The following PUM2 variants were observed in gnomAD, a reference collection of about 807,000 sequenced individuals.
The protein encoded by PUM2 is pumilio RNA binding family member 2.
Under a neutral mutation model 124.5 loss-of-function variants are expected in PUM2, and 57 were observed. The ratio of observed to expected loss-of-function variants is 0.46; its 90% CI spans 0.37 to 0.57. The LOEUF (loss-of-function observed/expected upper bound fraction) is 0.57. PUM2 is among the 20% of genes least tolerant of loss of function. PUM2 has a pLI of 0.00. For synonymous variants in PUM2, 460 were observed against 446.1 expected, an observed-to-expected ratio of 1.03 and a Z score of -0.39; for missense variants, 1,065 against 1,290.6, an observed-to-expected ratio of 0.83 and a Z score of 2.68.
At chr2:20,294,626 G>A (rs1675071141) in intron 8 of PUM2, 108 bp from the exon 9 acceptor site, 3 of 1,249,792 alleles carry the variant, frequency 2.4e-6, no homozygotes, top group East Asian at 2.5e-5. Flanking sequence ...AAGACTTAGA[G>A]AAGAACATGT....
intron 7 of PUM2, among the ~76,000 whole-genome samples, chr2:20,297,969 A>G (rs1197655420): frequency 6.6e-6 from 1 of 152,238 alleles, no homozygotes; most frequent in African/African-American, 2.4e-5. Context: ...ATATAAATTC[A>G]AAAAGAAATG....
intron 7 of PUM2, among the ~76,000 whole-genome samples, chr2:20,303,548 T>C (rs928013072): frequency 2.0e-5 from 3 of 152,040 alleles, no homozygotes; most frequent in Non-Finnish European, 4.4e-5. Context: ...AATGCTGAGT[T>C]TTGCCCAGAA....
At chr2:20,301,902 T>C (rs1026553484) in intron 7 of PUM2, among the ~76,000 whole-genome samples, 5 of 152,224 alleles carry the variant, frequency 3.3e-5, no homozygotes, top group East Asian at 1.9e-4. Context: ...AATGGCTACA[T>C]AATATGTAGT....
Position 20,253,809 on chromosome 2 carries a change from C to T in PUM2, c.3063+13G>A, listed in dbSNP as rs749836361. 6.3e-7 allele frequency: 1 copy of T among 1,594,742 alleles called. No individual in the cohort carries two copies. The highest frequency in any genetic ancestry group is 1.3e-5 in the African/African-American group (1 of 74,454). ...AAGACAAACAGTTATCTGAGTGTTA[C>T]ATGCTGTATTACCTTGTGCATGATT... On this transcript the variant is annotated intron_variant, in intron 20 of 20. Transcript: ENST00000361078.
At chr2:20,252,519 T>C (rs1253115183) in intron 20 of PUM2, among the ~76,000 whole-genome samples, 2 of 152,240 alleles carry the variant, frequency 1.3e-5, no homozygotes. Context: ...TTTCTCTCTA[T>C]ATGAGGAGAC....
At chr2:20,262,745 T>G (rs1188363512) in intron 14 of PUM2, among the ~76,000 whole-genome samples, 1 of 152,254 alleles carries the variant, frequency 6.6e-6, no homozygotes, top group Non-Finnish European at 1.5e-5. Flanking sequence ...TGTATTACAT[T>G]CGTTTTAATG....
At chr2:20,278,060 T>G (rs1670648879) in intron 13 of PUM2, among the ~76,000 whole-genome samples, 1 of 151,954 alleles carries the variant, frequency 6.6e-6, no homozygotes, top group Non-Finnish European at 1.5e-5. Flanking sequence ...CTTTAACATA[T>G]CCAAAAAAGA....
At chr2:20,251,805 G>A in intron 20 of PUM2, 89 bp from the exon 21 acceptor site, 2 of 1,443,126 alleles carry the variant, frequency 1.4e-6, no homozygotes, top group South Asian at 1.3e-5. Flanking sequence ...GTAATTTAGA[G>A]GAATAACTGC....
chr2:20,288,292 C>T (rs1673181733), intron 10 of PUM2, among the ~76,000 whole-genome samples: 1 of 152,118 alleles, frequency 6.6e-6, no homozygotes, highest in African/African-American at 2.4e-5. Context: ...AAATACCACT[C>T]CGCAGAAAAG....
At chr2:20,269,184 A>C (rs567652024) in intron 13 of PUM2, among the ~76,000 whole-genome samples, 1 of 151,894 alleles carries the variant, frequency 6.6e-6, no homozygotes, top group South Asian at 2.1e-4. Context: ...AAACTGAATA[A>C]AATTTTAATA....
chr2:20,329,409 G>C (rs1684411239), intron 1 of PUM2, among the ~76,000 whole-genome samples: 1 of 145,568 alleles, frequency 6.9e-6, no homozygotes, highest in East Asian at 2.0e-4. Flanking sequence ...TCCAGCCTGG[G>C]TAATAGAACG....
rs999889529 is a variant in PUM2, at chr2:20,270,710, C to T, written c.1958-7250G>A. On this transcript the variant is annotated intron_variant, in intron 13 of 20. Coordinates refer to ENST00000361078, the MANE Select transcript of PUM2 (RefSeq NM_015317.5). ...TTAATATAGTAATCTATGTAGGATACCAAGTAATTTTTAAAAAGGAAGTGT... is the reference window on the plus strand; with the variant it reads ...TTAATATAGTAATCTATGTAGGATATCAAGTAATTTTTAAAAAGGAAGTGT... Among the ~76,000 whole-genome samples the T allele has an allele frequency of 3.3e-5, 5 of 152,024 alleles. No individual in the cohort carries two copies. The South Asian group carries it at 8.3e-4, about 25-fold the overall frequency.
rs1288226836 is a variant in PUM2 at position 20,312,399 on chromosome 2, A to G, written c.185T>C (p.Met62Thr). ...ASHHSMSQPIMVQRRSGQGFH... is the reference protein window; with the variant it reads ...ASHHSMSQPITVQRRSGQGFH... ...ACCCTGTCCAGATCTTCTCTGTACCATAATAGGCTGGGACATTGAATGGTC... is the reference window on the plus strand; with the variant it reads ...ACCCTGTCCAGATCTTCTCTGTACCGTAATAGGCTGGGACATTGAATGGTC... Residue 62 changes from methionine to threonine, a missense_variant, in exon 4 of 21, where the codon ATG (methionine) becomes ACG (threonine). By Grantham distance (81) the Met-to-Thr change is moderately conservative. Transcript: ENST00000361078. The G allele has an allele frequency of 5.6e-6, 9 of 1,613,616 alleles. No homozygotes were observed. The highest frequency in any genetic ancestry group is 1.1e-5 in the South Asian group (1 of 91,010).
chr2:20,294,289 G>A (rs570657725), intron 9 of PUM2, 87 bp downstream of exon 9: 25 of 1,472,204 alleles, frequency 1.7e-5, no homozygotes, highest in Non-Finnish European at 2.1e-5. Flanking sequence ...GTGAGGAAAC[G>A]TAAGTCGAAA....
At chr2:20,292,847 C>T (rs1674538094) in intron 9 of PUM2, among the ~76,000 whole-genome samples, 1 of 152,006 alleles carries the variant, frequency 6.6e-6, no homozygotes, top group African/African-American at 2.4e-5. Flanking sequence ...AAGAGAATTG[C>T]TGCCGGGAGG....
intron 1 of PUM2, among the ~76,000 whole-genome samples, chr2:20,344,172 A>T (rs2149110341): frequency 6.6e-6 from 1 of 152,236 alleles, no homozygotes; most frequent in Non-Finnish European, 1.5e-5. Flanking sequence ...GGATCAAGAG[A>T]TCCTCGCGCC....
At chr2:20,313,626 T>C (rs1680183836) in intron 3 of PUM2, among the ~76,000 whole-genome samples, 1 of 151,922 alleles carries the variant, frequency 6.6e-6, no homozygotes, top group African/African-American at 2.4e-5. Flanking sequence ...GCAGAGGAGC[T>C]TGAGACTAGC....
chr2:20,309,652 G>A (rs1291203204), intron 5 of PUM2, among the ~76,000 whole-genome samples: 1 of 152,076 alleles, frequency 6.6e-6, no homozygotes, highest in Non-Finnish European at 1.5e-5. Flanking sequence ...TTATTGTTCA[G>A]AGTAACTATG....
At chr2:20,291,290 T>C (rs982561591) in intron 9 of PUM2, among the ~76,000 whole-genome samples, 4 of 152,150 alleles carry the variant, frequency 2.6e-5, no homozygotes, top group Non-Finnish European at 5.9e-5. Context: ...GAGGACAACA[T>C]CGAAGAAACT....
Sources: gnomAD v4.1 joint callset for allele counts (sites outside exome capture counted in the v4.1 genomes callset) on GRCh38, gnomAD v4.1.1 for gene constraint, MANE v1.5 for transcripts, NCBI Gene and HGNC (gene_info 2026-07-23, HGNC 2026-07-21) for gene names.